The following RYR3 variants were observed in gnomAD, a reference collection of about 807,000 sequenced individuals.
RYR3 encodes ryanodine receptor 3.
In RYR3, 207 loss-of-function variants were observed where a neutral mutation model predicts 584.3. The ratio of observed to expected loss-of-function variants is 0.35; its 90% CI spans 0.32 to 0.40. RYR3 has a LOEUF of 0.40. Among genes scored for constraint, RYR3 ranks in the 10% least tolerant of loss-of-function variants. The probability of loss-of-function intolerance (pLI) is 1.00; values close to 1 mark genes in which losing one functional copy is unlikely to be tolerated. For synonymous variants in RYR3, 2,416 were observed against 2,248.5 expected, an observed-to-expected ratio of 1.07 and a Z score of -2.11; for missense variants, 5,616 against 6,089.2, an observed-to-expected ratio of 0.92 and a Z score of 2.59.
chr15:33,769,234 A>G (rs1360423324), intron 62 of RYR3, 62 bp downstream of exon 62: 1 of 1,168,062 alleles, frequency 8.6e-7, no homozygotes, highest in East Asian at 2.3e-5. Flanking sequence ...CTCTCATCTC[A>G]CTAATTATAC....
At chr15:33,588,301 AT>A (rs1377078462) in intron 16 of RYR3, among the ~76,000 whole-genome samples, 2 of 152,184 alleles carry the variant, frequency 1.3e-5, no homozygotes, top group African/African-American at 4.8e-5. Context: ...CAGAAGTTGA[AT>A]ATTCTTTCCA....
chr15:33,829,094 A>C (rs2077527033), intron 85 of RYR3, among the ~76,000 whole-genome samples: 1 of 152,198 alleles, frequency 6.6e-6, no homozygotes. Flanking sequence ...ATGTATGGAA[A>C]AACAAAGCTT....
chr15:33,835,104 G>T, intron 87 of RYR3, 32 bp downstream of exon 87: 1 of 1,502,636 alleles, frequency 6.7e-7, no homozygotes, highest in South Asian at 1.1e-5. Context: ...ACGTGTCATT[G>T]TTGTGAAATG....
intron 91 of RYR3, among the ~76,000 whole-genome samples, chr15:33,842,556 G>A (rs987649348): frequency 6.6e-6 from 1 of 152,180 alleles, no homozygotes; most frequent in Non-Finnish European, 1.5e-5. Flanking sequence ...ACCTTCCCTA[G>A]CACCATTAGT....
chr15:33,587,761 C>A (rs185824244), intron 16 of RYR3, among the ~76,000 whole-genome samples: 1 of 152,286 alleles, frequency 6.6e-6, no homozygotes, highest in East Asian at 1.9e-4. Flanking sequence ...GAATTCAGAT[C>A]CTTCCTTAGG....
chr15:33,838,110 G>C lies in RYR3; in HGVS notation c.12130G>C (p.Val4044Leu). 6.2e-7 allele frequency: 1 copy of C among 1,613,938 alleles called. No individual in the cohort carries two copies. Residue 4044 changes from valine to leucine, a missense_variant, in exon 89 of 104, where the codon GTT becomes CTT. By Grantham distance (32) the Val-to-Leu change is conservative. This residue lies in a region of RYR3 where 258 missense variants were observed against 297.3 expected (regional missense o/e 0.87). Coordinates refer to ENST00000634891, the MANE Select transcript of RYR3 (RefSeq NM_001036.6). ...IMGGAKKIER[V>L]YFEISESSRT... ...GGGTGGGGCCAAGAAGATTGAGCGT[G>C]TTTATTTTGAGATCAGTGAATCCAG...
chr15:33,787,401 C>T (rs1299689625), intron 66 of RYR3, among the ~76,000 whole-genome samples: 2 of 152,084 alleles, frequency 1.3e-5, no homozygotes, highest in African/African-American at 4.8e-5. Flanking sequence ...TGCTGGAATG[C>T]AAGCTGTTTC....
At position 33,646,543 on chromosome 15, in the gene RYR3, C is replaced by T; in HGVS notation, c.3941+17C>T. 1 of 1,596,254 alleles carries T rather than the reference C, an allele frequency of 6.3e-7. No homozygotes were observed. The highest frequency in any genetic ancestry group is 1.7e-5 in the Admixed American group (1 of 58,692). ...CCAGAAAAGGTGAGGGTGAGGCCTC[C>T]AGTTCTCAGAGGCACTCATTGTATC... On this transcript the variant is annotated intron_variant, in intron 29 of 103. Coordinates refer to ENST00000634891, the MANE Select transcript of RYR3 (RefSeq NM_001036.6).
intron 1 of RYR3, among the ~76,000 whole-genome samples, chr15:33,443,123 G>T (rs944425270): frequency 2.0e-5 from 3 of 152,108 alleles, no homozygotes; most frequent in Admixed American, 6.6e-5. Context: ...GCTGGGTGTT[G>T]TGGTGCACGT....
Position 33,664,747 on chromosome 15 carries a change from T to C in RYR3, c.5619+1010T>C, listed in dbSNP as rs540387962. ...CATGACGCCTGTCATAGAGTAAGCA[T>C]ACATACATGTATATAAAACAAGCAG... On this transcript the variant is annotated intron_variant, in intron 36 of 103. Transcript: ENST00000634891. 1.0e-3 allele frequency among the ~76,000 whole-genome samples: 155 copies of C among 152,074 alleles called. 1 individual carries two copies. The Middle Eastern group carries it at 0.017, about 17-fold the overall frequency.
intron 89 of RYR3, chr15:33,839,508 T>C (rs547076714): frequency 6.5e-6 from 1 of 153,852 alleles, no homozygotes; most frequent in East Asian, 1.9e-4. Flanking sequence ...CCCTTGACCA[T>C]GGAAGGTTCT....
At chr15:33,536,242 G>A (rs1419119828) in intron 5 of RYR3, among the ~76,000 whole-genome samples, 1 of 152,144 alleles carries the variant, frequency 6.6e-6, no homozygotes, top group Admixed American at 6.5e-5. Context: ...GAGAATATGA[G>A]GAGAAAGTTT....
intron 69 of RYR3, among the ~76,000 whole-genome samples, chr15:33,802,515 G>GA (rs200695683): frequency 3.6e-5 from 3 of 84,132 alleles, no homozygotes; most frequent in East Asian, 2.3e-3. Flanking sequence ...GGAAATGTTT[G>GA]AAAAGGCATA....
intron 1 of RYR3, among the ~76,000 whole-genome samples, chr15:33,410,029 T>G (rs765505738): frequency 7.2e-5 from 11 of 152,164 alleles, no homozygotes; most frequent in African/African-American, 1.7e-4. Context: ...GAAGTCAATT[T>G]GAAGGAAACT....
chr15:33,853,132 G>A lies in RYR3; in HGVS notation c.13671+45G>A, dbSNP rs551147484. The stretch of plus-strand genomic sequence containing the variant: ...GTGAGTTCCGTGATCACCAAAAAAT[G>A]TGGTGTATGTTTTTTAAGTTCTCCA... On this transcript the variant is annotated intron_variant, in intron 95 of 103. Transcript: ENST00000634891. 2.7e-6 allele frequency: 4 copies of A among 1,486,132 alleles called. 1 individual carries two copies. Among genetic ancestry groups the A allele is most frequent in the East Asian group, 2.3e-5 (1 of 43,300 alleles). 92.1% of individuals were successfully genotyped at this position (1,486,132 alleles called of 1,614,324 possible).
At chr15:33,683,790 G>A (rs185810570) in intron 38 of RYR3, among the ~76,000 whole-genome samples, 119 of 152,366 alleles carry the variant, frequency 7.8e-4, no homozygotes, top group Non-Finnish European at 1.1e-3. Context: ...CAAATACTGC[G>A]CTTTTCCCAA....
At chr15:33,464,472 A>ATATATATATC (rs1328537563) in intron 1 of RYR3, among the ~76,000 whole-genome samples, 3 of 78,210 alleles carry the variant, frequency 3.8e-5, no homozygotes, top group African/African-American at 1.6e-4. Flanking sequence ...AGATATATAT[A>ATATATATATC]TATATATATA....
intron 43 of RYR3, among the ~76,000 whole-genome samples, chr15:33,710,586 C>G (rs911136290): frequency 6.6e-6 from 1 of 152,138 alleles, no homozygotes; most frequent in Admixed American, 6.5e-5. Context: ...CCTCCAACCC[C>G]ACATTTCCCG....
intron 62 of RYR3, among the ~76,000 whole-genome samples, chr15:33,770,996 A>C (rs62012650): frequency 6.6e-6 from 1 of 152,028 alleles, no homozygotes; most frequent in Non-Finnish European, 1.5e-5. Flanking sequence ...GAAGGCTTCA[A>C]ATCTCCATAG....
Sources: gnomAD v4.1 joint callset for allele counts (sites outside exome capture counted in the v4.1 genomes callset) on GRCh38, gnomAD v4.1.1 for gene constraint, gnomAD v4.1.1 regional missense constraint, MANE v1.5 for transcripts, NCBI Gene and HGNC (gene_info 2026-07-23, HGNC 2026-07-21) for gene names.